The following DLG2 variants were observed in gnomAD, a reference collection of about 807,000 sequenced individuals.
DLG2 encodes discs large MAGUK scaffold protein 2, also known as disks large homolog 2.
DLG2 carries 45 observed loss-of-function variants against 132.5 expected under a neutral mutation model. That is an observed-to-expected ratio of 0.34 (90% CI 0.27 to 0.44). DLG2 has a LOEUF of 0.44. DLG2 is among the 20% of genes least tolerant of loss of function. DLG2 has a pLI of 1.00. For missense variants in DLG2, 1,045 were observed against 1,196.9 expected, an observed-to-expected ratio of 0.87 and a Z score of 1.87; for synonymous variants, 424 against 419.6, an observed-to-expected ratio of 1.01 and a Z score of -0.13.
chr11:83,694,405 GC>G (rs2081518169), intron 18 of DLG2, among the ~76,000 whole-genome samples: 1 of 152,178 alleles, frequency 6.6e-6, no homozygotes, highest in Admixed American at 6.5e-5. Flanking sequence ...CTGGAGACTA[GC>G]CTGCCTGAAC....
intron 3 of DLG2, among the ~76,000 whole-genome samples, chr11:85,424,598 C>A (rs2090571109): frequency 6.6e-6 from 1 of 152,178 alleles, no homozygotes; most frequent in South Asian, 2.1e-4. Flanking sequence ...AAGTATCCAA[C>A]TGAAGTAGAT....
At chr11:85,183,185 G>T (rs995215375) in intron 4 of DLG2, among the ~76,000 whole-genome samples, 11 of 151,828 alleles carry the variant, frequency 7.2e-5, no homozygotes, top group Non-Finnish European at 1.0e-4. Context: ...GATCCAGTAT[G>T]AATGGAATCA....
At chr11:83,951,173 A>G (rs1425341010) in intron 14 of DLG2, among the ~76,000 whole-genome samples, 3 of 152,152 alleles carry the variant, frequency 2.0e-5, no homozygotes, top group Non-Finnish European at 2.9e-5. Flanking sequence ...TGGGAATGTA[A>G]ACTGAGACCA....
intron 6 of DLG2, among the ~76,000 whole-genome samples, chr11:84,879,979 A>G (rs1308251585): frequency 2.4e-4 from 37 of 152,132 alleles, no homozygotes. Context: ...GAAAATAACC[A>G]ATTTCAAAGG....
chr11:84,079,054 TCAGCAC>T (rs1163107528), intron 10 of DLG2, among the ~76,000 whole-genome samples: 27 of 152,216 alleles, frequency 1.8e-4, no homozygotes. Context: ...TATTATATAC[TCAGCAC>T]CTGATATGGG....
chr11:83,518,300 G>A (rs1474514897), intron 21 of DLG2, among the ~76,000 whole-genome samples: 6 of 152,210 alleles, frequency 3.9e-5, no homozygotes, highest in Non-Finnish European at 7.3e-5. Context: ...GAGGCTCCAT[G>A]GGCGTAGAAC....
chr11:85,611,644 G>A (rs193179839), intron 2 of DLG2, among the ~76,000 whole-genome samples: 56 of 152,334 alleles, frequency 3.7e-4, no homozygotes, highest in African/African-American at 1.2e-3. Flanking sequence ...GCACTTACCC[G>A]AGCCTTATAA....
chr11:83,864,132 T>G (rs1459074891), intron 16 of DLG2, among the ~76,000 whole-genome samples: 1 of 152,192 alleles, frequency 6.6e-6, no homozygotes, highest in Non-Finnish European at 1.5e-5. Flanking sequence ...TGCAACTTCT[T>G]TAGTTTAAAG....
At chr11:84,872,618 A>C (rs754450253) in intron 6 of DLG2, among the ~76,000 whole-genome samples, 27 of 152,190 alleles carry the variant, frequency 1.8e-4, no homozygotes, top group Non-Finnish European at 2.6e-4. Flanking sequence ...TTGTATCTTG[A>C]AAGTTGAGTT....
At chr11:84,458,955 C>A (rs1258149442) in intron 7 of DLG2, among the ~76,000 whole-genome samples, 2 of 150,608 alleles carry the variant, frequency 1.3e-5, no homozygotes, top group African/African-American at 2.4e-5. Context: ...TAATAACAAT[C>A]CCCATTTTTC....
intron 18 of DLG2, among the ~76,000 whole-genome samples, chr11:83,729,547 T>C (rs1273691838): frequency 2.0e-5 from 3 of 152,210 alleles, no homozygotes; most frequent in South Asian, 2.1e-4. Context: ...GTGGAGGACC[T>C]TCCAAAATGG....
chr11:83,827,727 T>A (rs1336879217), intron 17 of DLG2, among the ~76,000 whole-genome samples: 1 of 151,866 alleles, frequency 6.6e-6, no homozygotes, highest in African/African-American at 2.4e-5. Flanking sequence ...CTGTGCTCTG[T>A]TTCACATTTT....
At chr11:84,516,420 T>C (rs936191821) in intron 7 of DLG2, among the ~76,000 whole-genome samples, 5 of 151,512 alleles carry the variant, frequency 3.3e-5, no homozygotes, top group African/African-American at 7.3e-5. Context: ...CAAAGGATCA[T>C]AGGAGACTAT....
At chr11:83,645,986 ATTTT>A (rs1301944781) in intron 18 of DLG2, 2 of 152,098 alleles carry the variant, frequency 1.3e-5, no homozygotes, top group African/African-American at 4.8e-5. Context: ...TTTCCTATTT[ATTTT>A]AACCAAAACA....
chr11:85,045,736 A>C (rs1268241499), intron 6 of DLG2, among the ~76,000 whole-genome samples: 1 of 152,060 alleles, frequency 6.6e-6, no homozygotes, highest in Non-Finnish European at 1.5e-5. Context: ...GTTCAAGTGC[A>C]TGAGCTTAGG....
chr11:83,742,210 A>AACACACACACACACACACACAC (rs67195725), intron 18 of DLG2, among the ~76,000 whole-genome samples: 1 of 147,108 alleles, frequency 6.8e-6, no homozygotes, highest in Non-Finnish European at 1.5e-5. Flanking sequence ...CCACACTTTT[A>AACACACACACACACACACACAC]ACACACACAC....
At chr11:84,490,444 G>C (rs182642338) in intron 7 of DLG2, among the ~76,000 whole-genome samples, 626 of 152,134 alleles carry the variant, frequency 4.1e-3, no homozygotes, top group Non-Finnish European at 6.9e-3. Flanking sequence ...AGGGCTGATT[G>C]AACAATATCC....
At chr11:85,231,698 T>C (rs1018899043) in intron 4 of DLG2, among the ~76,000 whole-genome samples, 15 of 151,908 alleles carry the variant, frequency 9.9e-5, no homozygotes, top group African/African-American at 3.4e-4. Context: ...CTTTATCCTA[T>C]CAAGACTTCT....
intron 3 of DLG2, among the ~76,000 whole-genome samples, chr11:85,568,993 T>C (rs1590874804): frequency 6.6e-6 from 1 of 152,114 alleles, no homozygotes; most frequent in Admixed American, 6.6e-5. Flanking sequence ...AGGTGGAAGA[T>C]TGGGTCATTT....
Sources: gnomAD v4.1 joint callset for allele counts (sites outside exome capture counted in the v4.1 genomes callset) on GRCh38, gnomAD v4.1.1 for gene constraint, MANE v1.5 for transcripts, NCBI Gene and HGNC (gene_info 2026-07-23, HGNC 2026-07-21) for gene names.